FSTL5: variants seen among roughly 807,000 people sequenced by gnomAD.
FSTL5 encodes follistatin-related protein 5.
FSTL5 carries 62 observed loss-of-function variants against 89.1 expected under a neutral mutation model. The ratio of observed to expected loss-of-function variants is 0.70; its 90% CI spans 0.57 to 0.86. FSTL5 has a LOEUF of 0.86. Among genes scored for constraint, FSTL5 ranks in the 40% least tolerant of loss-of-function variants. The pLI is 0.00. For missense variants in FSTL5, 1,057 were observed against 1,001.6 expected (o/e 1.06, Z -0.75); for synonymous variants, 383 against 346.2 (o/e 1.11, Z -1.18).
chr4:161,618,555 G>GGCCTTT (rs1441472194), intron 7 of FSTL5, among the ~76,000 whole-genome samples: 2 of 151,306 alleles, frequency 1.3e-5, no homozygotes, highest in Non-Finnish European at 1.5e-5. Context: ...TTTTGTCAAC[G>GGCCTTT]GCCTTTTCTG....
At position 161,873,481 on chromosome 4, in the gene FSTL5, GTTCC is replaced by G. The variant is rs559177709; in HGVS notation, c.409+46919_409+46922del. On this transcript the variant is annotated intron_variant, in intron 4 of 15. Coordinates refer to ENST00000306100, the MANE Select transcript of FSTL5 (RefSeq NM_020116.5). The stretch of plus-strand genomic sequence containing the variant: ...TTACAATAATAAAATTATTTCCTTA[GTTCC>G]TTCCTTCCTTCCTTCCTTCTTTCCT... Among the ~76,000 whole-genome samples, 794 of 149,026 alleles carry G rather than the reference GTTCC, an allele frequency of 5.3e-3. 7 individuals carry two copies. The highest frequency in any genetic ancestry group is 0.026 in the South Asian group (121 of 4,702).
At chr4:161,788,899 A>G (rs1742012254) in intron 4 of FSTL5, among the ~76,000 whole-genome samples, 1 of 152,166 alleles carries the variant, frequency 6.6e-6, no homozygotes. Flanking sequence ...CACTGTCTCT[A>G]AAAGAAACAA....
At chr4:161,995,337 GA>G (rs1251353621) in intron 3 of FSTL5, among the ~76,000 whole-genome samples, 1 of 152,080 alleles carries the variant, frequency 6.6e-6, no homozygotes, top group Non-Finnish European at 1.5e-5. Flanking sequence ...AGAAAACTGA[GA>G]AGTGCAGTAA....
At position 161,783,677 on chromosome 4, in the gene FSTL5, C is replaced by CTCTTTCTTTCTTTCTTTCTTTCTT. The variant is rs751181020; in HGVS notation, c.410-7627_410-7604dup. Among the ~76,000 whole-genome samples, 11 of 8,184 alleles carry CTCTTTCTTTCTTTCTTTCTTTCTT rather than the reference C, an allele frequency of 1.3e-3. 1 individual carries two copies. Among genetic ancestry groups the CTCTTTCTTTCTTTCTTTCTTTCTT allele is most frequent in the African/African-American group, 3.2e-3 (10 of 3,174 alleles). 5.4% of individuals were successfully genotyped at this position (8,184 alleles called of 152,430 possible). On this transcript the variant is annotated intron_variant, in intron 4 of 15. Coordinates refer to ENST00000306100, the MANE Select transcript of FSTL5 (RefSeq NM_020116.5). ...TTTCTTTCTTTCTCTTTCTTTCTTTCTCTTTCTTTCTTTCTTTCTTTCTTT... is the reference window on the plus strand; with the variant it reads ...TTTCTTTCTTTCTCTTTCTTTCTTTCTCTTTCTTTCTTTCTTTCTTTCTTTCTTTCTTTCTTTCTTTCTTTCTTT...
chr4:161,704,927 G>A (rs1045979712), intron 6 of FSTL5, among the ~76,000 whole-genome samples: 2 of 151,672 alleles, frequency 1.3e-5, no homozygotes, highest in South Asian at 2.1e-4. Flanking sequence ...TGCCTTATTC[G>A]TTTTTATTCC....
At chr4:161,737,048 T>G (rs566120494) in intron 6 of FSTL5, among the ~76,000 whole-genome samples, 2 of 151,996 alleles carry the variant, frequency 1.3e-5, no homozygotes, top group Non-Finnish European at 2.9e-5. Context: ...CAGAGAGACA[T>G]CAGTTAGAAA....
At chr4:161,435,234 TC>T (rs1472099710) in intron 15 of FSTL5, among the ~76,000 whole-genome samples, 1 of 151,912 alleles carries the variant, frequency 6.6e-6, no homozygotes, top group Non-Finnish European at 1.5e-5. Flanking sequence ...GAAGTACTAA[TC>T]AGTTATAAAA....
At chr4:161,656,590 T>C in intron 6 of FSTL5, 96 bp from the exon 7 acceptor site, 1 of 678,828 alleles carries the variant, frequency 1.5e-6, no homozygotes, top group Non-Finnish European at 2.2e-6. Flanking sequence ...GGCTTTTAAT[T>C]TGAATAAAAG....
intron 14 of FSTL5, among the ~76,000 whole-genome samples, chr4:161,456,014 AGTTT>A (rs773777708): frequency 5.3e-5 from 8 of 152,140 alleles, no homozygotes; most frequent in Admixed American, 2.0e-4. Context: ...TTTTAGAGTT[AGTTT>A]GTTTTTCCTA....
intron 6 of FSTL5, among the ~76,000 whole-genome samples, chr4:161,737,889 T>C (rs1739874113): frequency 6.6e-6 from 1 of 152,048 alleles, no homozygotes; most frequent in Non-Finnish European, 1.5e-5. Flanking sequence ...AATGGTCAAA[T>C]ATGTATTTCA....
chr4:161,865,916 CT>C (rs1408047871), intron 4 of FSTL5, among the ~76,000 whole-genome samples: 1 of 152,152 alleles, frequency 6.6e-6, no homozygotes, highest in East Asian at 1.9e-4. Flanking sequence ...TCCTAGCCAG[CT>C]ATGTCAAAGA....
At chr4:161,752,091 TTTG>T (rs1188689161) in intron 6 of FSTL5, among the ~76,000 whole-genome samples, 14 of 152,150 alleles carry the variant, frequency 9.2e-5, no homozygotes. Flanking sequence ...TCTGGTAAAC[TTTG>T]TTGTTTTATT....
intron 10 of FSTL5, among the ~76,000 whole-genome samples, chr4:161,515,673 T>A (rs1441994201): frequency 6.6e-6 from 1 of 151,880 alleles, no homozygotes; most frequent in Non-Finnish European, 1.5e-5. Context: ...TACTGTTTCA[T>A]CATATGAATT....
chr4:162,033,783 G>A (rs1417199343), intron 2 of FSTL5, 125 bp from the exon 3 acceptor site: 39 of 545,022 alleles, frequency 7.2e-5, no homozygotes, highest in East Asian at 2.6e-4. Flanking sequence ...CATGATTCTC[G>A]CCTTTAAAAA....
chr4:161,983,024 T>C (rs904710809), intron 3 of FSTL5, among the ~76,000 whole-genome samples: 4 of 152,170 alleles, frequency 2.6e-5, no homozygotes, highest in African/African-American at 9.7e-5. Flanking sequence ...AAAATGAAGT[T>C]ATCATTAGAG....
At position 162,003,473 on chromosome 4, in the gene FSTL5, C is replaced by T. The variant is rs180707125; in HGVS notation, c.160+30152G>A. Among the ~76,000 whole-genome samples the T allele has an allele frequency of 4.1e-3, 616 of 151,676 alleles. 2 individuals carry two copies. The highest frequency in any genetic ancestry group is 0.01 in the Middle Eastern group (3 of 294). On this transcript the variant is annotated intron_variant, in intron 3 of 15. Transcript: ENST00000306100. ...CAGAGTTTGTAATAATAAATAAATG[C>T]TTAAATAAATAATGGAAGATAGCAC... is the stretch of plus-strand genomic sequence containing the variant.
intron 15 of FSTL5, chr4:161,388,440 A>G (rs987721765): frequency 7.2e-5 from 11 of 152,060 alleles, no homozygotes; most frequent in East Asian, 3.9e-4. Context: ...AAAAGCTTCA[A>G]ACTGTCAACT....
intron 4 of FSTL5, among the ~76,000 whole-genome samples, chr4:161,833,791 G>C (rs886517504): frequency 6.6e-6 from 1 of 151,594 alleles, no homozygotes; most frequent in Non-Finnish European, 1.5e-5. Context: ...ATGGGAGATG[G>C]GTTTCCTGAA....
At chr4:161,531,520 A>C (rs1242500186) in intron 10 of FSTL5, among the ~76,000 whole-genome samples, 2 of 152,340 alleles carry the variant, frequency 1.3e-5, no homozygotes, top group East Asian at 3.9e-4. Context: ...TTTCAAAAAC[A>C]GAAGAAAAGC....
Sources: gnomAD v4.1 joint callset for allele counts (sites outside exome capture counted in the v4.1 genomes callset) on GRCh38, gnomAD v4.1.1 for gene constraint, MANE v1.5 for transcripts, NCBI Gene and HGNC (gene_info 2026-07-23, HGNC 2026-07-21) for gene names.